SEM1: variants seen among roughly 807,000 people sequenced by gnomAD.
The protein encoded by SEM1 is 26S proteasome complex subunit SEM1.
SEM1 carries 3 observed loss-of-function variants against 12.7 expected under a neutral mutation model. The ratio of observed to expected loss-of-function variants is 0.24; its 90% CI spans 0.11 to 0.61. SEM1 has a LOEUF of 0.61. Among genes scored for constraint, SEM1 ranks in the 20% least tolerant of loss-of-function variants. The pLI is 0.88. For missense variants in SEM1, 59 were observed against 81.3 expected (o/e 0.73, Z 1.06); for synonymous variants, 30 against 27.8 (o/e 1.08, Z -0.25).
intron 2 of SEM1, among the ~76,000 whole-genome samples, chr7:96,605,588 A>G (rs1807326421): frequency 6.6e-6 from 1 of 152,142 alleles, no homozygotes; most frequent in Non-Finnish European, 1.5e-5. Context: ...TAAACTATTC[A>G]TCTGTTTCCA....
chr7:96,506,101 CT>C (rs1163997521), intron 3 of SEM1, among the ~76,000 whole-genome samples: 3 of 152,008 alleles, frequency 2.0e-5, no homozygotes, highest in African/African-American at 7.2e-5. Context: ...CAGTTGGAGC[CT>C]CTTTATTTTG....
At position 96,709,829 on chromosome 7, in the gene SEM1, G is replaced by C. The variant is rs1207904934; in HGVS notation, c.-66C>G. ...AGTTGGAACCCTCACTCTTCCTCAA[G>C]GAAACGCCACCGTCACTACCGCCTC... On this transcript the variant is annotated 5_prime_UTR_variant, in exon 1 of 3. Coordinates refer to ENST00000248566, the MANE Select transcript of SEM1 (RefSeq NM_006304.2). 3 of 1,489,276 alleles carry C rather than the reference G, an allele frequency of 2.0e-6. No individual in the cohort carries two copies. The highest frequency in any genetic ancestry group is 4.5e-5 in the East Asian group (2 of 44,010). 92.3% of individuals were successfully genotyped at this position (1,489,276 alleles called of 1,614,324 possible). A position where few individuals can be genotyped will look rare whatever the true frequency, so the allele number is the denominator to read the frequency against.
intron 2 of SEM1, among the ~76,000 whole-genome samples, chr7:96,677,354 TACAGTGACTTAGGTTTTGG>T (rs1789477360): frequency 6.6e-6 from 1 of 152,212 alleles, no homozygotes; most frequent in Non-Finnish European, 1.5e-5. Flanking sequence ...CTTTTCTTGG[TACAGTGACTTAGGTTTTGG>T]ACTTTGAGAC....
chr7:96,661,162 T>C lies in SEM1; in HGVS notation c.170+33636A>G, dbSNP rs144745066. On this transcript the variant is annotated intron_variant, in intron 2 of 2. Transcript: ENST00000417009. ...TACATAAGTTTACACACCCAGTAAA[T>C]AGCAGGATTCACACCCAGGTAGTCT... Among the ~76,000 whole-genome samples the C allele has an allele frequency of 4.3e-3, 655 of 152,302 alleles. 4 individuals carry two copies. The highest frequency in any genetic ancestry group is 0.015 in the African/African-American group (629 of 41,576).
intron 2 of SEM1, among the ~76,000 whole-genome samples, chr7:96,529,331 A>C (rs1554410827): frequency 1.3e-5 from 2 of 152,148 alleles, no homozygotes; most frequent in Non-Finnish European, 2.9e-5. Context: ...TTTCCCTACC[A>C]TGAAGGCCTC....
At chr7:96,484,729 G>C (rs1399455878) in intron 3 of SEM1, 1 of 650,384 alleles carries the variant, frequency 1.5e-6, no homozygotes, top group Non-Finnish European at 2.4e-6. Context: ...TCTTCCGAAT[G>C]ACTCAATTTC....
intron 2 of SEM1, among the ~76,000 whole-genome samples, chr7:96,626,329 T>A (rs1228010126): frequency 6.6e-6 from 1 of 152,206 alleles, no homozygotes; most frequent in Non-Finnish European, 1.5e-5. Flanking sequence ...TCCAGTTCCA[T>A]CTATGTTGTT....
chr7:96,573,976 C>T (rs10282019), intron 2 of SEM1, among the ~76,000 whole-genome samples: 145,727 of 151,732 alleles, frequency 0.96, 70,187 homozygotes, highest in Non-Finnish European at 0.99. Flanking sequence ...AGAGTACATG[C>T]GCACAATGTG....
chr7:96,498,453 A>T (rs1252859308), upstream of SEM1, among the ~76,000 whole-genome samples: 1 of 152,164 alleles, frequency 6.6e-6, no homozygotes, highest in Non-Finnish European at 1.5e-5. Context: ...GGTTTTTCTG[A>T]GAGTCTTATA....
chr7:96,673,201 C>A (rs935012491), downstream of SEM1: 1 of 152,148 alleles, frequency 6.6e-6, no homozygotes, highest in African/African-American at 2.4e-5. Context: ...CGGCAACCTC[C>A]ACCTCCCGGG....
In SEM1 at chr7:96,528,519, G is replaced by T. The variant is rs7804250; in HGVS notation, c.171-21821C>A. ...GCCCAATAATTCTGGACAAATTTGA[G>T]AAGACTGAAATGAGCAAAACTTAGT... is the stretch of plus-strand genomic sequence containing the variant. On this transcript the variant is annotated intron_variant and NMD_transcript_variant, in intron 2 of 3. Transcript: ENST00000466986. 6.0e-3 allele frequency among the ~76,000 whole-genome samples: 911 copies of T among 152,220 alleles called. 12 individuals are homozygous for T. Among genetic ancestry groups the T allele is most frequent in the African/African-American group, 0.021 (873 of 41,544 alleles).
At chr7:96,610,914 C>G (rs1033318959) in intron 2 of SEM1, among the ~76,000 whole-genome samples, 1 of 152,136 alleles carries the variant, frequency 6.6e-6, no homozygotes, top group African/African-American at 2.4e-5. Context: ...GCAGCAAATG[C>G]TGGGAGAGAC....
intron 2 of SEM1, among the ~76,000 whole-genome samples, chr7:96,683,176 C>T (rs1789666831): frequency 6.6e-6 from 1 of 150,966 alleles, no homozygotes; most frequent in Admixed American, 6.6e-5. Flanking sequence ...ACTAGAAATA[C>T]TTGAAACAAG....
At position 96,696,815 on chromosome 7, in the gene SEM1, C is replaced by G. The variant is rs185797005; in HGVS notation, c.77-1924G>C. ...CATACAAACTCTACTCAATGTATAA[C>G]ATGAAAAAGCTGTAACTATTGTAAT... On this transcript the variant is annotated intron_variant, in intron 1 of 2. Coordinates refer to ENST00000248566, the MANE Select transcript of SEM1 (RefSeq NM_006304.2). 456 of 151,998 alleles carry G rather than the reference C, an allele frequency of 3.0e-3. 2 individuals are homozygous for G. The highest frequency in any genetic ancestry group is 0.01 in the African/African-American group (434 of 41,534). The allele number at this position is 151,998 out of a possible 1,614,324, so 9.4% of individuals were successfully genotyped here. A position where few individuals can be genotyped will look rare whatever the true frequency, so the allele number is the denominator to read the frequency against.
intron 2 of SEM1, among the ~76,000 whole-genome samples, chr7:96,676,528 A>G (rs551954128): frequency 6.6e-6 from 1 of 152,348 alleles, no homozygotes; most frequent in South Asian, 2.1e-4. Flanking sequence ...TTTAATAGTT[A>G]ACCCTTTACA....
At position 96,557,097 on chromosome 7, in the gene SEM1, T is replaced by A. The variant is rs1317457572; in HGVS notation, c.171-50399A>T. On this transcript the variant is annotated intron_variant and NMD_transcript_variant, in intron 2 of 3. Coordinates refer to the SEM1 transcript ENST00000466986. ...TATTCTAGTTATACATTCTTCTACA[T>A]TTTTTTCAAAGTTTTCAACTTCTTT... is the stretch of plus-strand genomic sequence containing the variant. 3.4e-5 allele frequency among the ~76,000 whole-genome samples: 5 copies of A among 147,314 alleles called. No homozygotes were observed. In the East Asian group the frequency reaches 1.0e-3, roughly 31 times the overall value.
At chr7:96,672,759 A>AT (rs1236742878), downstream of SEM1, 1 of 152,226 alleles carries the variant, frequency 6.6e-6, no homozygotes, top group East Asian at 1.9e-4. Context: ...GCAAGATGCA[A>AT]TAACACTTCC....
intron 3 of SEM1, among the ~76,000 whole-genome samples, chr7:96,504,592 C>G (rs1803686724): frequency 6.6e-6 from 1 of 151,998 alleles, no homozygotes; most frequent in South Asian, 2.1e-4. Context: ...AACCTATATA[C>G]TAATTCATTT....
rs577437163 is a variant in SEM1 at position 96,601,887 on chromosome 7, TGTGA to T, written c.170+92907_170+92910del. On this transcript the variant is annotated intron_variant and NMD_transcript_variant, in intron 2 of 3. Transcript: ENST00000466986. The stretch of plus-strand genomic sequence containing the variant: ...TGAAGGTTATGAAAAATTGTGGGAG[TGTGA>T]GTGTTTCAAAAGGTAAACACAAAAA... Among the ~76,000 whole-genome samples the T allele has an allele frequency of 3.9e-3, 592 of 151,788 alleles. 3 individuals carry two copies. The highest frequency in any genetic ancestry group is 0.014 in the African/African-American group (560 of 41,356).
Sources: allele counts gnomAD v4.1 joint callset (sites outside exome capture counted in the v4.1 genomes callset), GRCh38; gene constraint gnomAD v4.1.1; transcripts MANE v1.5; gene names NCBI Gene and HGNC (gene_info 2026-07-23, HGNC 2026-07-21).